The following HIVEP3 variants were observed in gnomAD, a reference collection of about 807,000 sequenced individuals.
The protein encoded by HIVEP3 is HIVEP zinc finger 3, also known as transcription factor HIVEP3.
HIVEP3 carries 49 observed loss-of-function variants against 152.8 expected under a neutral mutation model. The ratio of observed to expected loss-of-function variants is 0.32; its 90% CI spans 0.26 to 0.41. HIVEP3 has a LOEUF of 0.41. Among genes scored for constraint, HIVEP3 ranks in the 10% least tolerant of loss-of-function variants. The probability of loss-of-function intolerance (pLI) is 1.00; values close to 1 mark genes in which losing one functional copy is unlikely to be tolerated. For missense variants in HIVEP3, 2,790 were observed against 3,103.3 expected (o/e 0.90, Z 2.40); for synonymous variants, 1,269 against 1,289.0 (o/e 0.98, Z 0.33).
At chr1:41,886,364 G>T (rs1644346544) in intron 1 of HIVEP3, among the ~76,000 whole-genome samples, 1 of 152,116 alleles carries the variant, frequency 6.6e-6, no homozygotes, top group Non-Finnish European at 1.5e-5. Flanking sequence ...GAGACTCAAA[G>T]GTGCAATACC....
At chr1:41,566,758 T>C (rs1019953801) in intron 5 of HIVEP3, among the ~76,000 whole-genome samples, 1 of 152,130 alleles carries the variant, frequency 6.6e-6, no homozygotes, top group Non-Finnish European at 1.5e-5. Context: ...TTCTCTTCTC[T>C]TGGCATCCAG....
rs1305551022 is a variant in HIVEP3, at chr1:41,524,646, G to A, written c.5383+89C>T. The A allele has an allele frequency of 3.9e-5, 49 of 1,253,648 alleles. No homozygotes were observed. In the East Asian group the frequency reaches 1.1e-3, roughly 29 times the overall value. 77.7% of individuals were successfully genotyped at this position (1,253,648 alleles called of 1,614,324 possible). A position where few individuals can be genotyped will look rare whatever the true frequency, so the allele number is the denominator to read the frequency against. Reference sequence around the variant, plus strand: ...GGCTGCTCCAGGCCCCCTGCAAAGAGGTCTGGGCACCTGAACTCTGTGCTG... The same window carrying A: ...GGCTGCTCCAGGCCCCCTGCAAAGAAGTCTGGGCACCTGAACTCTGTGCTG... On this transcript the variant is annotated intron_variant, in intron 6 of 8. Transcript: ENST00000372583.
chr1:41,740,173 G>A lies in HIVEP3; in HGVS notation c.-800-39178C>T, dbSNP rs537464482. 1.2e-4 allele frequency among the ~76,000 whole-genome samples: 18 copies of A among 152,304 alleles called. No individual in the cohort carries two copies. The East Asian group carries it at 1.4e-3, about 11-fold the overall frequency. On this transcript the variant is annotated intron_variant, in intron 1 of 8. Coordinates refer to ENST00000372583, the MANE Select transcript of HIVEP3 (RefSeq NM_024503.5). ...CAGTGGACGGGATGAAGATGTGGGC[G>A]CTGGCAATGGTGTGGCCACTGCCTC... is the stretch of plus-strand genomic sequence containing the variant.
chr1:41,544,379 G>A (rs1021349316), intron 5 of HIVEP3: 2 of 151,920 alleles, frequency 1.3e-5, no homozygotes, highest in African/African-American at 4.8e-5. Context: ...ACTTGCCTGA[G>A]GTCACACAAC....
intron 2 of HIVEP3, among the ~76,000 whole-genome samples, chr1:41,654,575 T>A (rs534373547): frequency 6.6e-6 from 1 of 152,370 alleles, no homozygotes; most frequent in East Asian, 1.9e-4. Context: ...ACATCTTACA[T>A]AACAAGGTAT....
intron 1 of HIVEP3, among the ~76,000 whole-genome samples, chr1:41,703,967 AG>A (rs921776907): frequency 1.2e-4 from 18 of 152,336 alleles, no homozygotes; most frequent in Admixed American, 4.6e-4. Context: ...TTTTAGAGTC[AG>A]ACACTTAAAT....
At chr1:41,733,453 C>T (rs1051403198) in intron 1 of HIVEP3, among the ~76,000 whole-genome samples, 5 of 152,234 alleles carry the variant, frequency 3.3e-5, no homozygotes, top group Non-Finnish European at 7.3e-5. Context: ...TGGGAAGGGT[C>T]CTTAGTGGCC....
chr1:41,559,735 T>A (rs1644027413), intron 5 of HIVEP3, among the ~76,000 whole-genome samples: 1 of 152,162 alleles, frequency 6.6e-6, no homozygotes, highest in Non-Finnish European at 1.5e-5. Flanking sequence ...GCCATGTTAA[T>A]GCCTCCCTGG....
intron 6 of HIVEP3, among the ~76,000 whole-genome samples, chr1:41,521,923 C>G (rs1233270307): frequency 6.6e-6 from 1 of 152,230 alleles, no homozygotes; most frequent in African/African-American, 2.4e-5. Context: ...AAATGGGACC[C>G]CCAGCCACCA....
At chr1:41,930,029 C>T (rs1644988789) in intron 1 of HIVEP3, among the ~76,000 whole-genome samples, 1 of 152,052 alleles carries the variant, frequency 6.6e-6, no homozygotes, top group Non-Finnish European at 1.5e-5. Flanking sequence ...TCCAAAGTTA[C>T]TTAGGTCAGC....
chr1:41,915,837 C>T (rs1226464141), intron 1 of HIVEP3, among the ~76,000 whole-genome samples: 1 of 152,174 alleles, frequency 6.6e-6, no homozygotes, highest in East Asian at 1.9e-4. Context: ...ACCCAGAATG[C>T]TAGTGCTGCC....
At chr1:41,682,771 C>T (rs59505944) in intron 2 of HIVEP3, among the ~76,000 whole-genome samples, 10,219 of 152,176 alleles carry the variant, frequency 0.067, 816 homozygotes, top group East Asian at 0.33. Context: ...TCACTCAGGG[C>T]TGTGCTCTGG....
At chr1:41,857,427 C>T (rs2124392815) in intron 1 of HIVEP3, among the ~76,000 whole-genome samples, 1 of 152,084 alleles carries the variant, frequency 6.6e-6, no homozygotes, top group South Asian at 2.1e-4. Flanking sequence ...GGAAGGGTGG[C>T]TGTGGTTTAC....
In HIVEP3 at chr1:41,868,197, G is replaced by GTTTT. The variant is rs56784921; in HGVS notation, c.-801+50212_-801+50215dup. Among the ~76,000 whole-genome samples the GTTTT allele has an allele frequency of 1.0e-3, 148 of 146,224 alleles. 1 individual carries two copies. Among genetic ancestry groups the GTTTT allele is most frequent in the African/African-American group, 3.5e-3 (139 of 39,844 alleles). ...AGTAGTTATATAATAGTTTGTGGGGGTTTTTTTTTTTTTGGTCTTGTTTTT... is the reference window on the plus strand; with the variant it reads ...AGTAGTTATATAATAGTTTGTGGGGGTTTTTTTTTTTTTTTTTGGTCTTGTTTTT... On this transcript the variant is annotated intron_variant, in intron 1 of 8. Transcript: ENST00000372583.
chr1:41,961,260 C>A (rs777507360), intron 1 of HIVEP3, among the ~76,000 whole-genome samples: 5 of 152,228 alleles, frequency 3.3e-5, no homozygotes, highest in African/African-American at 1.2e-4. Context: ...CAGACTGTAA[C>A]TGCATGAGAG....
At chr1:41,812,684 G>A (rs150681769) in intron 1 of HIVEP3, among the ~76,000 whole-genome samples, 10 of 151,736 alleles carry the variant, frequency 6.6e-5, no homozygotes, top group African/African-American at 9.7e-5. Flanking sequence ...GGTAGGGGGT[G>A]GGGGGGGACC....
chr1:41,864,929 CTTAATCTGG>C (rs1381734142), intron 1 of HIVEP3, among the ~76,000 whole-genome samples: 1 of 152,198 alleles, frequency 6.6e-6, no homozygotes, highest in African/African-American at 2.4e-5. Context: ...CACAGAGCTC[CTTAATCTGG>C]TTTCCCAGGG....
At position 41,734,594 on chromosome 1, in the gene HIVEP3, C is replaced by T. The variant is rs556432814; in HGVS notation, c.-800-33599G>A. On this transcript the variant is annotated intron_variant, in intron 1 of 8. Transcript: ENST00000372583. ...AGAAAGGCCCTTTGGGCTGCCATGG[C>T]GGAGGGCAGTCTGGGAAGGAGGGGA... 3.9e-5 allele frequency among the ~76,000 whole-genome samples: 6 copies of T among 152,210 alleles called. No homozygotes were observed. The South Asian group carries it at 8.3e-4, about 21-fold the overall frequency.
chr1:41,712,616 C>T (rs192514251), intron 1 of HIVEP3, among the ~76,000 whole-genome samples: 1 of 152,184 alleles, frequency 6.6e-6, no homozygotes, highest in African/African-American at 2.4e-5. Flanking sequence ...AGGCTCTGCC[C>T]TTCTGAGTGA....
Sources: allele counts gnomAD v4.1 joint callset (sites outside exome capture counted in the v4.1 genomes callset), GRCh38; gene constraint gnomAD v4.1.1; transcripts MANE v1.5; gene names NCBI Gene and HGNC (gene_info 2026-07-23, HGNC 2026-07-21).